SERGEF: variants seen among roughly 807,000 people sequenced by gnomAD.
The protein encoded by SERGEF is secretion regulating guanine nucleotide exchange factor, also known as secretion-regulating guanine nucleotide exchange factor.
In SERGEF, 51 loss-of-function variants were observed where a neutral mutation model predicts 50.0. The ratio of observed to expected loss-of-function variants is 1.02; its 90% CI spans 0.81 to 1.29. The LOEUF is 1.29. SERGEF is among the 50% of genes most tolerant of loss of function. The probability of loss-of-function intolerance (pLI) is 0.00; values close to 1 mark genes in which losing one functional copy is unlikely to be tolerated. For missense variants in SERGEF, 521 were observed against 557.0 expected, an observed-to-expected ratio of 0.94 and a Z score of 0.65; for synonymous variants, 205 against 212.4, an observed-to-expected ratio of 0.97 and a Z score of 0.30.
intron 10 of SERGEF, chr11:17,855,504 A>ATC (rs1850801333): frequency 6.6e-6 from 1 of 152,066 alleles, no homozygotes; most frequent in African/African-American, 2.4e-5. Context: ...AACTATATAT[A>ATC]TTTGCTATTT....
At chr11:17,921,229 AAAGT>A (rs1852150214) in intron 9 of SERGEF, among the ~76,000 whole-genome samples, 1 of 152,244 alleles carries the variant, frequency 6.6e-6, no homozygotes, top group South Asian at 2.1e-4. Flanking sequence ...AAATTAAAAG[AAAGT>A]AATTTTTTTA....
intron 10 of SERGEF, among the ~76,000 whole-genome samples, chr11:17,867,309 C>A (rs920527056): frequency 3.3e-5 from 5 of 152,148 alleles, no homozygotes; most frequent in Admixed American, 2.0e-4. Context: ...AGAAATTGGC[C>A]AAAACAAAGG....
intron 9 of SERGEF, among the ~76,000 whole-genome samples, chr11:17,958,575 A>G (rs1852922668): frequency 6.6e-6 from 1 of 152,182 alleles, no homozygotes; most frequent in African/African-American, 2.4e-5. Context: ...ACTGGGAAAA[A>G]TAAACACGAG....
intron 10 of SERGEF, among the ~76,000 whole-genome samples, chr11:17,849,782 T>C (rs1296771671): frequency 2.6e-5 from 4 of 152,220 alleles, no homozygotes; most frequent in African/African-American, 9.6e-5. Flanking sequence ...AGAGATTAAT[T>C]TATTCACGGT....
chr11:17,999,353 G>A (rs908907587), intron 5 of SERGEF: 22 of 304,892 alleles, frequency 7.2e-5, no homozygotes, highest in African/African-American at 4.6e-4. Flanking sequence ...AACCGGGAGA[G>A]AACACACAGG....
At chr11:17,893,268 GTCCAAGGTCTGACATA>G (rs1490233897) in intron 9 of SERGEF, among the ~76,000 whole-genome samples, 1 of 152,144 alleles carries the variant, frequency 6.6e-6, no homozygotes, top group East Asian at 1.9e-4. Flanking sequence ...TAAAAGCCTG[GTCCAAGGTCTGACATA>G]TGTAAGCTGT....
At chr11:17,831,196 C>A (rs1850302286) in intron 10 of SERGEF, among the ~76,000 whole-genome samples, 1 of 152,188 alleles carries the variant, frequency 6.6e-6, no homozygotes, top group South Asian at 2.1e-4. Flanking sequence ...GATTCTGATT[C>A]AGCAGGATGA....
At chr11:17,868,193 G>C (rs1221119453) in intron 10 of SERGEF, among the ~76,000 whole-genome samples, 1 of 152,154 alleles carries the variant, frequency 6.6e-6, no homozygotes, top group African/African-American at 2.4e-5. Context: ...TTTATGCTCT[G>C]TTTCCCTTTT....
At chr11:17,924,778 A>G (rs933575534) in intron 9 of SERGEF, among the ~76,000 whole-genome samples, 1 of 152,212 alleles carries the variant, frequency 6.6e-6, no homozygotes, top group African/African-American at 2.4e-5. Context: ...GGCCCTTGGC[A>G]TTCCCCAAGA....
intron 9 of SERGEF, among the ~76,000 whole-genome samples, chr11:17,905,926 T>C (rs1851832709): frequency 6.6e-6 from 1 of 152,204 alleles, no homozygotes; most frequent in Admixed American, 6.5e-5. Context: ...CCCAGATTGC[T>C]GAGGAGGTCT....
intron 10 of SERGEF, among the ~76,000 whole-genome samples, chr11:17,851,145 G>A (rs1391284390): frequency 6.6e-6 from 1 of 152,136 alleles, no homozygotes; most frequent in Non-Finnish European, 1.5e-5. Context: ...CCGTGTGCTG[G>A]CCCTGTGCTG....
intron 9 of SERGEF, among the ~76,000 whole-genome samples, chr11:17,890,715 G>A (rs1016759043): frequency 1.1e-4 from 17 of 152,202 alleles, no homozygotes; most frequent in South Asian, 4.2e-4. Flanking sequence ...GAGCCACTGC[G>A]CCTAGCTGAT....
In SERGEF at chr11:17,888,593, T is replaced by G. The variant is rs1178211003; in HGVS notation, c.1012-10349A>C. On this transcript the variant is annotated intron_variant, in intron 9 of 10. Transcript: ENST00000265965. The surrounding 1 kb of genome is among the most constrained non-coding windows in gnomAD (Gnocchi z 4.1). Reference sequence around the variant, plus strand: ...AAAGAGAAACCCTGTGGATATCAGGTTAGAATTAGAGTTATCAGTATGAAC... The same window carrying G: ...AAAGAGAAACCCTGTGGATATCAGGGTAGAATTAGAGTTATCAGTATGAAC... Among the ~76,000 whole-genome samples the G allele has an allele frequency of 2.0e-5, 3 of 149,750 alleles. No individual in the cohort carries two copies. The highest frequency in any genetic ancestry group is 2.1e-4 in the South Asian group (1 of 4,724).
chr11:17,831,532 T>C (rs756310703), intron 10 of SERGEF, among the ~76,000 whole-genome samples: 4 of 152,182 alleles, frequency 2.6e-5, no homozygotes, highest in African/African-American at 4.8e-5. Context: ...GAATAGTAGC[T>C]GGCAAATGGA....
At chr11:17,793,595 T>C (rs752109346) in intron 10 of SERGEF, among the ~76,000 whole-genome samples, 4 of 152,178 alleles carry the variant, frequency 2.6e-5, no homozygotes, top group Non-Finnish European at 4.4e-5. Flanking sequence ...ACATGGAACA[T>C]GGAACGTCCA....
chr11:17,889,592 T>C (rs1851495801), intron 9 of SERGEF, among the ~76,000 whole-genome samples: 1 of 152,168 alleles, frequency 6.6e-6, no homozygotes, highest in South Asian at 2.1e-4. Flanking sequence ...ATGCAATATA[T>C]GATTCTGAAC....
At chr11:17,824,609 G>C (rs769701504) in intron 10 of SERGEF, among the ~76,000 whole-genome samples, 3 of 152,154 alleles carry the variant, frequency 2.0e-5, no homozygotes, top group Non-Finnish European at 4.4e-5. Context: ...GAAGCTAGAC[G>C]TCTACAATCA....
At chr11:17,860,994 C>T (rs1004901963) in intron 10 of SERGEF, among the ~76,000 whole-genome samples, 2 of 152,174 alleles carry the variant, frequency 1.3e-5, no homozygotes, top group Admixed American at 6.5e-5. Context: ...TCCACCCTAA[C>T]ACCCACAATA....
rs527385662 is a variant in SERGEF at position 17,812,062 on chromosome 11, T to C, written c.1049-23649A>G. On this transcript the variant is annotated intron_variant, in intron 10 of 10. Coordinates refer to ENST00000265965, the MANE Select transcript of SERGEF (RefSeq NM_012139.4). ...CCCACCAAATGTGGTCCTGCCCCCC[T>C]CCATCTGCAGAAGGGGCAGGAGGCA... Among the ~76,000 whole-genome samples, 5 of 152,236 alleles carry C rather than the reference T, an allele frequency of 3.3e-5. No homozygotes were observed. The East Asian group carries it at 9.7e-4, about 29-fold the overall frequency.
Sources: allele counts gnomAD v4.1 joint callset (sites outside exome capture counted in the v4.1 genomes callset), GRCh38; gene constraint gnomAD v4.1.1; non-coding constraint Gnocchi (gnomAD v3.1); transcripts MANE v1.5; gene names NCBI Gene and HGNC (gene_info 2026-07-23, HGNC 2026-07-21).